The following TINAG variants were observed in gnomAD, a reference collection of about 807,000 sequenced individuals.
TINAG encodes tubulointerstitial nephritis antigen.
TINAG carries 83 observed loss-of-function variants against 72.7 expected under a neutral mutation model. The ratio of observed to expected loss-of-function variants is 1.14; its 90% CI spans 0.96 to 1.37. TINAG has a LOEUF of 1.37. Ranked by LOEUF, TINAG falls within the 40% of genes most tolerant of loss-of-function variation. The probability of loss-of-function intolerance (pLI) is 0.00; values close to 1 mark genes in which losing one functional copy is unlikely to be tolerated. For missense variants in TINAG, 685 were observed against 576.6 expected (o/e 1.19, Z -1.93); for synonymous variants, 234 against 189.9 (o/e 1.23, Z -1.91).
chr6:54,326,491 T>C (rs1305126591), intron 3 of TINAG, among the ~76,000 whole-genome samples: 1 of 152,116 alleles, frequency 6.6e-6, no homozygotes, highest in East Asian at 1.9e-4. Context: ...CTAAGATGCA[T>C]TTAATGGCAT....
chr6:54,359,415 C>T lies in TINAG; in HGVS notation c.1250+4779C>T, dbSNP rs146718020. Among the ~76,000 whole-genome samples, 847 of 151,818 alleles carry T rather than the reference C, an allele frequency of 5.6e-3. 10 individuals carry two copies. Among genetic ancestry groups the T allele is most frequent in the African/African-American group, 0.019 (805 of 41,458 alleles). On this transcript the variant is annotated intron_variant, in intron 9 of 10. Transcript: ENST00000259782. ...TCTATTATTCATAGAACTAAAATTC[C>T]ATTCACTGTTTGGAGCCTCCTTTGA...
chr6:54,359,006 G>A (rs924256827), intron 9 of TINAG, among the ~76,000 whole-genome samples: 3 of 151,796 alleles, frequency 2.0e-5, no homozygotes, highest in African/African-American at 7.2e-5. Context: ...TTTGGTGAAT[G>A]CCGTCTCAGC....
At chr6:54,353,706 G>C (rs902241994) in intron 8 of TINAG, among the ~76,000 whole-genome samples, 3 of 151,714 alleles carry the variant, frequency 2.0e-5, no homozygotes, top group African/African-American at 7.2e-5. Flanking sequence ...CTTTTTTAAA[G>C]GATCTGTCAA....
chr6:54,380,789 CA>C (rs955824165), intron 10 of TINAG, among the ~76,000 whole-genome samples: 1 of 151,654 alleles, frequency 6.6e-6, no homozygotes, highest in African/African-American at 2.4e-5. Flanking sequence ...AAAGAAAAAT[CA>C]GTGTTTATTT....
intron 5 of TINAG, among the ~76,000 whole-genome samples, chr6:54,345,245 A>G (rs1785093142): frequency 1.3e-5 from 2 of 152,290 alleles, no homozygotes; most frequent in South Asian, 2.1e-4. Flanking sequence ...TTTTCTAAAT[A>G]TTTCAAGTGA....
chr6:54,338,770 TA>T (rs1421444012), intron 4 of TINAG, among the ~76,000 whole-genome samples: 1 of 130,460 alleles, frequency 7.7e-6, no homozygotes, highest in Non-Finnish European at 1.7e-5. Context: ...TGCTTCACAA[TA>T]AAAATGATAT....
chr6:54,383,595 G>A (rs914100336), intron 10 of TINAG, among the ~76,000 whole-genome samples: 1 of 152,110 alleles, frequency 6.6e-6, no homozygotes, highest in African/African-American at 2.4e-5. Flanking sequence ...GCTATGGTTT[G>A]TTTGAGTTAA....
intron 7 of TINAG, 60 bp downstream of exon 7, chr6:54,349,956 T>G (rs990205350): frequency 3.8e-5 from 44 of 1,161,454 alleles, no homozygotes; most frequent in Non-Finnish European, 4.7e-5. Flanking sequence ...ATAGCTCTAC[T>G]GTAACTAAAA....
intron 9 of TINAG, among the ~76,000 whole-genome samples, chr6:54,376,297 C>G (rs1562183410): frequency 6.6e-6 from 1 of 152,018 alleles, no homozygotes; most frequent in Non-Finnish European, 1.5e-5. Flanking sequence ...ATTAGACTGA[C>G]AGTTTTTCGA....
chr6:54,333,441 G>A (rs1218116714), intron 4 of TINAG, among the ~76,000 whole-genome samples: 1 of 151,962 alleles, frequency 6.6e-6, no homozygotes, highest in East Asian at 1.9e-4. Flanking sequence ...CACAGGGAGG[G>A]GAACATCATG....
intron 9 of TINAG, among the ~76,000 whole-genome samples, chr6:54,377,755 G>T (rs773322177): frequency 6.6e-6 from 1 of 151,826 alleles, no homozygotes; most frequent in African/African-American, 2.4e-5. Flanking sequence ...TCAACCTGTT[G>T]GTATAATAGC....
At chr6:54,321,491 G>C in intron 3 of TINAG, 105 bp downstream of exon 3, 1 of 756,096 alleles carries the variant, frequency 1.3e-6, no homozygotes, top group Middle Eastern at 2.4e-4. Context: ...AAAAGAAAGA[G>C]TGGGAGAGAA....
chr6:54,362,958 T>C (rs1301979016), intron 9 of TINAG, among the ~76,000 whole-genome samples: 2 of 151,580 alleles, frequency 1.3e-5, no homozygotes, highest in African/African-American at 4.8e-5. Flanking sequence ...TGCAATTTTA[T>C]TTTATAAAGG....
chr6:54,316,013 A>T (rs1784365553), intron 1 of TINAG, among the ~76,000 whole-genome samples: 1 of 152,186 alleles, frequency 6.6e-6, no homozygotes, highest in South Asian at 2.1e-4. Context: ...TATGACACAA[A>T]CCAATTCATA....
At chr6:54,321,533 G>A (rs1275722985) in intron 3 of TINAG, 147 bp downstream of exon 3, 12 of 603,842 alleles carry the variant, frequency 2.0e-5, no homozygotes, top group Non-Finnish European at 3.2e-5. Flanking sequence ...ATGTAAACCT[G>A]GAATGCAAAG....
rs1260416408 is a variant in TINAG at position 54,326,873 on chromosome 6, C to G, written c.581C>G (p.Thr194Ser). Residue 194 changes from threonine (T) to serine (S), a missense_variant, in exon 4 of 11, where the codon ACT (threonine) becomes AGT (serine). Physicochemically the swap from Thr to Ser is moderately conservative, Grantham distance 58. Transcript: ENST00000259782. ...LEDGFKFRLGTLPPSPMLLSM... is the reference protein window; with the variant it reads ...LEDGFKFRLGSLPPSPMLLSM... ...GATGGTTTTAAATTTCGCCTTGGCA[C>G]TTTGCCACCTAGTCCCATGCTCCTG... 3.1e-6 allele frequency: 5 copies of G among 1,613,182 alleles called. No homozygotes were observed. Among genetic ancestry groups the G allele is most frequent in the Middle Eastern group, 1.7e-4 (1 of 6,054 alleles).
At chr6:54,370,874 T>C (rs1763582465) in intron 9 of TINAG, among the ~76,000 whole-genome samples, 1 of 152,124 alleles carries the variant, frequency 6.6e-6, no homozygotes, top group Non-Finnish European at 1.5e-5. Context: ...TTTTGTCTTG[T>C]TTGACACTGG....
chr6:54,337,947 G>A (rs1026887674), intron 4 of TINAG, among the ~76,000 whole-genome samples: 7 of 152,156 alleles, frequency 4.6e-5, no homozygotes, highest in Non-Finnish European at 8.8e-5. Flanking sequence ...AGAGTAGTAT[G>A]ATAGTCGTTC....
chr6:54,356,183 A>G (rs1763033967), intron 9 of TINAG, among the ~76,000 whole-genome samples: 2 of 151,876 alleles, frequency 1.3e-5, no homozygotes, highest in South Asian at 4.1e-4. Flanking sequence ...TATCATTTTT[A>G]ATAAAATGAA....
Sources: allele counts gnomAD v4.1 joint callset (sites outside exome capture counted in the v4.1 genomes callset), GRCh38; gene constraint gnomAD v4.1.1; transcripts MANE v1.5; gene names NCBI Gene and HGNC (gene_info 2026-07-23, HGNC 2026-07-21).